The following PTCH1 variants were observed in gnomAD, a reference collection of about 807,000 sequenced individuals.
The protein encoded by PTCH1 is patched 1.
In PTCH1, 14 loss-of-function variants were observed where a neutral mutation model predicts 144.6. That is an observed-to-expected ratio of 0.10 (90% CI 0.06 to 0.15). The LOEUF is 0.15. Among genes scored for constraint, PTCH1 ranks in the 10% least tolerant of loss-of-function variants. The probability of loss-of-function intolerance (pLI) is 1.00; values close to 1 mark genes in which losing one functional copy is unlikely to be tolerated. For synonymous variants in PTCH1, 833 were observed against 793.6 expected, an observed-to-expected ratio of 1.05 and a Z score of -0.83; for missense variants, 1,623 against 1,948.3, an observed-to-expected ratio of 0.83 and a Z score of 3.14.
chr9:95,479,870 G>A, intron 7 of PTCH1, 99 bp downstream of exon 7: 2 of 1,574,006 alleles, frequency 1.3e-6, no homozygotes, highest in Non-Finnish European at 1.7e-6. Flanking sequence ...AACGGTTTAA[G>A]TATTAATACA....
intron 13 of PTCH1, among the ~76,000 whole-genome samples, chr9:95,469,435 C>T (rs1159728356): frequency 4.6e-5 from 7 of 152,180 alleles, no homozygotes; most frequent in East Asian, 1.9e-4. Context: ...TCCTTCAAAG[C>T]ACAATTCCAA....
In PTCH1 at chr9:95,456,418, A is replaced by G. The variant is rs367654039; in HGVS notation, c.3169-5T>C. On this transcript the variant is annotated splice_region_variant and splice_polypyrimidine_tract_variant and intron_variant, in intron 18 of 23. Coordinates refer to ENST00000331920, the MANE Select transcript of PTCH1 (RefSeq NM_000264.5). ...CATCAGCGCCAGGACCATCACCTGG[A>G]GCAGGGCACACAGTGGTCAGTGGGC... 367 of 1,613,642 alleles carry G rather than the reference A, an allele frequency of 2.3e-4. 4 individuals are homozygous for G. The South Asian group carries it at 3.4e-3, about 15-fold the overall frequency.
intron 2 of PTCH1, among the ~76,000 whole-genome samples, chr9:95,490,519 T>TCTCACACACA (rs536111739): frequency 8.3e-6 from 1 of 119,828 alleles, no homozygotes; most frequent in African/African-American, 3.4e-5. Flanking sequence ...ACCTTCTATG[T>TCTCACACACA]GACACACACA....
intron 2 of PTCH1, among the ~76,000 whole-genome samples, chr9:95,494,097 G>T (rs557018900): frequency 6.6e-6 from 1 of 151,872 alleles, no homozygotes; most frequent in African/African-American, 2.4e-5. Flanking sequence ...ACCGCACGGG[G>T]CATGTGGCAG....
upstream of PTCH1, among the ~76,000 whole-genome samples, chr9:95,511,402 C>T (rs571267907): frequency 2.0e-5 from 3 of 152,360 alleles, no homozygotes; most frequent in Non-Finnish European, 4.4e-5. Context: ...TCCCCCGACC[C>T]CCTAACCCGC....
chr9:95,516,779 C>T (rs2118958354), exon 1 of PTCH1: 1 of 1,612,698 alleles, frequency 6.2e-7, no homozygotes, highest in Non-Finnish European at 8.5e-7. Flanking sequence ...GAGTGCAGCG[C>T]GGACTCACAA....
chr9:95,455,172 T>C (rs1472790045), intron 19 of PTCH1, among the ~76,000 whole-genome samples: 1 of 152,208 alleles, frequency 6.6e-6, no homozygotes, highest in Non-Finnish European at 1.5e-5. Flanking sequence ...TGGCTTTTTA[T>C]GATACACTGT....
At chr9:95,496,078 C>T (rs922788335) in intron 2 of PTCH1, among the ~76,000 whole-genome samples, 3 of 152,186 alleles carry the variant, frequency 2.0e-5, no homozygotes, top group Non-Finnish European at 2.9e-5. Flanking sequence ...TAAGCTTTGG[C>T]GGCCCTGACC....
intron 2 of PTCH1, among the ~76,000 whole-genome samples, chr9:95,495,753 T>TG (rs201334450): frequency 0.019 from 2,907 of 152,202 alleles, 90 homozygotes; most frequent in African/African-American, 0.066. Flanking sequence ...GGGAATGGTG[T>TG]GGGGGGTAAA....
intron 1 of PTCH1, chr9:95,516,433 G>C: frequency 1.4e-6 from 2 of 1,384,038 alleles, no homozygotes; most frequent in Middle Eastern, 2.1e-4. Flanking sequence ...CGCGAGGCGA[G>C]GTGGCGTCGG....
intron 12 of PTCH1, chr9:95,474,208 AAGAC>A: frequency 2.9e-6 from 1 of 342,820 alleles, no homozygotes. Flanking sequence ...CAGATACAGA[AAGAC>A]AGTGAGCAAA....
intron 1 of PTCH1, 127 bp downstream of exon 1, chr9:95,508,033 GT>G: frequency 6.6e-7 from 1 of 1,508,490 alleles, no homozygotes; most frequent in Non-Finnish European, 8.8e-7. Context: ...TCCTGGAGAG[GT>G]GTGAGTGAGT....
At chr9:95,453,918 C>T (rs146303085) in intron 19 of PTCH1, among the ~76,000 whole-genome samples, 3 of 152,192 alleles carry the variant, frequency 2.0e-5, no homozygotes, top group Admixed American at 6.5e-5. Context: ...AAGTTTCCCC[C>T]CTCCTTAAAT....
chr9:95,449,771 G>A lies in PTCH1; in HGVS notation c.3549+70C>T. ...AGTGGGGAGGCACCTAAGTATCGAAGTGAAGAGCGGCACAGGAAACACAGC... is the reference window on the plus strand; with the variant it reads ...AGTGGGGAGGCACCTAAGTATCGAAATGAAGAGCGGCACAGGAAACACAGC... On this transcript the variant is annotated intron_variant, in intron 21 of 23. Coordinates refer to ENST00000331920, the MANE Select transcript of PTCH1 (RefSeq NM_000264.5). This position sits in a 1 kb window ranked among gnomAD's most constrained non-coding sequence, Gnocchi z 5.3. The A allele has an allele frequency of 7.1e-7, 1 of 1,403,990 alleles. No individual in the cohort carries two copies. The highest frequency in any genetic ancestry group is 2.3e-5 in the East Asian group (1 of 43,102). The allele number at this position is 1,403,990 out of a possible 1,614,324, so 87.0% of individuals were successfully genotyped here. A position where few individuals can be genotyped will look rare whatever the true frequency, so the allele number is the denominator to read the frequency against.
intron 13 of PTCH1, 34 bp downstream of exon 13, chr9:95,469,779 C>T (rs900428179): frequency 1.9e-6 from 3 of 1,557,682 alleles, no homozygotes; most frequent in African/African-American, 2.7e-5. Context: ...CATTCTGCAC[C>T]CAATCAAAAG....
chr9:95,506,806 G>C (rs1036619254), intron 1 of PTCH1: 2 of 1,116,806 alleles, frequency 1.8e-6, no homozygotes, highest in Middle Eastern at 3.4e-4. Context: ...CAGCGTGGGA[G>C]CTGCACCTCG....
chr9:95,510,324 A>T (rs1229941706), upstream of PTCH1, among the ~76,000 whole-genome samples: 2 of 152,172 alleles, frequency 1.3e-5, no homozygotes, highest in Non-Finnish European at 2.9e-5. Flanking sequence ...AGGAGATTAT[A>T]AATGCCCCGA....
chr9:95,503,497 T>C (rs1335235260), intron 2 of PTCH1, among the ~76,000 whole-genome samples: 1 of 152,212 alleles, frequency 6.6e-6, no homozygotes, highest in Admixed American at 6.5e-5. Context: ...TCTAGTTGGG[T>C]CTATCTGCAT....
In PTCH1 at chr9:95,480,456, G is replaced by A. The variant is rs2118417517; in HGVS notation, c.879C>T (p.Asp293=). ...GATCGGCCGGATTGAGGCAGGGGCG[G>A]TCCATGTAACCATGACCAACCTCAG... ...NKAEVGHGYM[D]RPCLNPADPD... Residue 293 remains aspartate (D), a synonymous_variant, in exon 6 of 24, where the codon GAC becomes GAT. Transcript: ENST00000331920. 1.9e-6 allele frequency: 3 copies of A among 1,612,050 alleles called. No individual in the cohort carries two copies. Among genetic ancestry groups the A allele is most frequent in the Non-Finnish European group, 1.7e-6 (2 of 1,179,774 alleles).
Sources: allele counts gnomAD v4.1 joint callset (sites outside exome capture counted in the v4.1 genomes callset), GRCh38; gene constraint gnomAD v4.1.1; non-coding constraint Gnocchi (gnomAD v3.1); transcripts MANE v1.5; gene names NCBI Gene and HGNC (gene_info 2026-07-23, HGNC 2026-07-21).